Variants in B4GALT1 observed in about 807,000 individuals in gnomAD.
The protein encoded by B4GALT1 is N-acetyllactosamine synthase.
B4GALT1 carries 16 observed loss-of-function variants against 34.9 expected under a neutral mutation model. That is an observed-to-expected ratio of 0.46 (90% CI 0.31 to 0.70). The LOEUF is 0.70. Ranked by LOEUF, B4GALT1 falls within the 30% of genes least tolerant of loss-of-function variation. B4GALT1 has a pLI of 0.05. For missense variants in B4GALT1, 445 were observed against 530.5 expected (o/e 0.84, Z 1.58); for synonymous variants, 221 against 218.1 (o/e 1.01, Z -0.12).
Position 33,111,619 on chromosome 9 carries a change from CTG to C in B4GALT1, c.*1833_*1834del, listed in dbSNP as rs1400187539. 6.5e-6 allele frequency: 1 copy of C among 152,684 alleles called. No homozygotes were observed. The highest frequency in any genetic ancestry group is 6.5e-5 in the Admixed American group (1 of 15,280). The allele number at this position is 152,684 out of a possible 1,614,324, so 9.5% of individuals were successfully genotyped here. A position where few individuals can be genotyped will look rare whatever the true frequency, so the allele number is the denominator to read the frequency against. ...CAAAGCAGTAAAGGCACAGATAAGACTGGGGCCAGGCACCAGCTCAGCCTCCA... is the reference window on the plus strand; with the variant it reads ...CAAAGCAGTAAAGGCACAGATAAGACGGGCCAGGCACCAGCTCAGCCTCCA... On this transcript the variant is annotated 3_prime_UTR_variant, in exon 6 of 6. Coordinates refer to ENST00000379731, the MANE Select transcript of B4GALT1 (RefSeq NM_001497.4).
At chr9:33,172,734 A>G in the B4GALT1 span, among the ~76,000 whole-genome samples, 3 of 152,292 alleles carry the variant, frequency 2.0e-5, no homozygotes, top group East Asian at 3.9e-4. Flanking sequence ...CAAGAGTCTG[A>G]GACCAGCCTG....
intron 2 of B4GALT1, among the ~76,000 whole-genome samples, chr9:33,131,192 C>T (rs1370908374): frequency 6.6e-6 from 1 of 152,146 alleles, no homozygotes; most frequent in Admixed American, 6.5e-5. Context: ...TCACTGATGC[C>T]CTGAGAAGGC....
chr9:33,175,020 T>TATATAAAA, the B4GALT1 span, among the ~76,000 whole-genome samples: 2 of 39,074 alleles, frequency 5.1e-5, no homozygotes, highest in African/African-American at 7.0e-5. Context: ...TATATATATA[T>TATATAAAA]AAAATTGGAG....
At position 33,167,074 on chromosome 9, in the gene B4GALT1, C is replaced by G; in HGVS notation, c.96G>C (p.Leu32=). Residue 32 remains leucine, a synonymous_variant, in exon 1 of 6, where the codon CTG becomes CTC. Transcript: ENST00000379731. ...ACRLLVAVCA[L]HLGVTLVYYL... Reference sequence around the variant, plus strand: ...AGTAAACGAGGGTGACGCCAAGGTGCAGAGCGCAGACGGCCACGAGCAGGC... The same window carrying G: ...AGTAAACGAGGGTGACGCCAAGGTGGAGAGCGCAGACGGCCACGAGCAGGC... 1 of 1,603,630 alleles carries G rather than the reference C, an allele frequency of 6.2e-7. No individual in the cohort carries two copies.
chr9:33,158,918 T>A (rs1326437915), intron 1 of B4GALT1, among the ~76,000 whole-genome samples: 1 of 152,212 alleles, frequency 6.6e-6, no homozygotes, highest in Non-Finnish European at 1.5e-5. Context: ...TCCCTGTTCA[T>A]TCTCTTCCTG....
At chr9:33,163,844 A>G in intron 1 of B4GALT1, among the ~76,000 whole-genome samples, 1 of 152,218 alleles carries the variant, frequency 6.6e-6, no homozygotes, top group East Asian at 1.9e-4. Context: ...ACTACCTGGG[A>G]GGATTCCCTG....
intron 1 of B4GALT1, among the ~76,000 whole-genome samples, chr9:33,156,245 C>T (rs1273135746): frequency 1.5e-4 from 23 of 152,024 alleles, no homozygotes; most frequent in African/African-American, 4.1e-4. Context: ...GCCATTCTCC[C>T]ACCTCAGCCT....
At chr9:33,168,775 A>C (rs1428093001), upstream of B4GALT1, among the ~76,000 whole-genome samples, 2 of 152,174 alleles carry the variant, frequency 1.3e-5, no homozygotes, top group African/African-American at 4.8e-5. Flanking sequence ...AATGCTGATC[A>C]CTGATTTGTC....
intron 1 of B4GALT1, among the ~76,000 whole-genome samples, chr9:33,149,199 TTA>T (rs1840472527): frequency 8.3e-6 from 1 of 120,872 alleles, no homozygotes; most frequent in Non-Finnish European, 1.7e-5. Flanking sequence ...GAAAAAAAAT[TTA>T]AAAAAAAAAA....
At chr9:33,152,718 A>G (rs1049146034) in intron 1 of B4GALT1, among the ~76,000 whole-genome samples, 4 of 152,138 alleles carry the variant, frequency 2.6e-5, no homozygotes, top group African/African-American at 9.7e-5. Flanking sequence ...TGCTAAAAAT[A>G]CAAATATTAG....
chr9:33,143,407 T>TA (rs1216734426), intron 1 of B4GALT1, among the ~76,000 whole-genome samples: 8 of 152,230 alleles, frequency 5.3e-5, no homozygotes, highest in African/African-American at 1.7e-4. Flanking sequence ...TCTCATGCCT[T>TA]ACTCTCTCCC....
downstream of B4GALT1, among the ~76,000 whole-genome samples, chr9:33,105,838 A>G (rs1380139505): frequency 1.6e-5 from 2 of 128,210 alleles, no homozygotes; most frequent in Admixed American, 8.2e-5. Context: ...ATTCCATTGT[A>G]TGTATATACC....
At chr9:33,125,361 C>T (rs28429368) in intron 2 of B4GALT1, among the ~76,000 whole-genome samples, 3,487 of 152,218 alleles carry the variant, frequency 0.023, 60 homozygotes, top group East Asian at 0.061. Context: ...GCCAAATCAC[C>T]GAGGCTGGGG....
exon 3 of B4GALT1, chr9:33,104,718 C>T (rs1032342619): frequency 2.2e-6 from 1 of 454,816 alleles, no homozygotes; most frequent in South Asian, 1.6e-5. Flanking sequence ...CCATGCGCTG[C>T]CACCTCCAGA....
At position 33,104,684 on chromosome 9, in the gene B4GALT1, C is replaced by T. The variant is rs1839780742; in HGVS notation, c.*68G>A. The T allele has an allele frequency of 8.9e-6, 4 of 448,336 alleles. 1 individual carries two copies. The highest frequency in any genetic ancestry group is 6.3e-5 in the South Asian group (4 of 63,006). 27.8% of individuals were successfully genotyped at this position (448,336 alleles called of 1,614,324 possible). ...GCCAGCACGTCTCACGCTCAAATCT[C>T]CAGGAAGATGCTGGGACTAACCACC... On this transcript the variant is annotated 3_prime_UTR_variant, in exon 3 of 3. Coordinates refer to the B4GALT1 transcript ENST00000535206.
chr9:33,182,030 G>A, the B4GALT1 span, among the ~76,000 whole-genome samples: 1 of 150,098 alleles, frequency 6.7e-6, no homozygotes, highest in East Asian at 1.9e-4. Context: ...ACAGGCATAT[G>A]CCACCATGCC....
At position 33,125,659 on chromosome 9, in the gene B4GALT1, C is replaced by A. The variant is rs866883203; in HGVS notation, c.649-5053G>T. Among the ~76,000 whole-genome samples the A allele has an allele frequency of 6.6e-5, 10 of 151,964 alleles. No homozygotes were observed. The East Asian group carries it at 1.9e-3, about 29-fold the overall frequency. ...GCAAGCAGCCTTTGTAGGGGCGGGGCGAGAGGTTCAGGACAGGTGCTAGAA... is the reference window on the plus strand; with the variant it reads ...GCAAGCAGCCTTTGTAGGGGCGGGGAGAGAGGTTCAGGACAGGTGCTAGAA... On this transcript the variant is annotated intron_variant, in intron 2 of 5. Transcript: ENST00000379731.
intron 1 of B4GALT1, among the ~76,000 whole-genome samples, chr9:33,141,474 G>A (rs1200199199): frequency 2.6e-5 from 4 of 152,112 alleles, no homozygotes; most frequent in Admixed American, 6.5e-5. Context: ...CCGAAATCAC[G>A]CCATTGCACT....
At chr9:33,132,173 T>C (rs1196483696) in intron 2 of B4GALT1, among the ~76,000 whole-genome samples, 1 of 151,964 alleles carries the variant, frequency 6.6e-6, no homozygotes, top group East Asian at 1.9e-4. Flanking sequence ...AGGAGGTATA[T>C]ATGTTTGAAA....
Sources: gnomAD v4.1 joint callset for allele counts (sites outside exome capture counted in the v4.1 genomes callset) on GRCh38, gnomAD v4.1.1 for gene constraint, MANE v1.5 for transcripts, NCBI Gene and HGNC (gene_info 2026-07-23, HGNC 2026-07-21) for gene names.